The following VWA3A variants were observed in gnomAD, a reference collection of about 807,000 sequenced individuals.
VWA3A encodes von Willebrand factor A domain containing 3A.
A neutral mutation model predicts 160.4 loss-of-function variants in VWA3A; 134 were observed. That is an observed-to-expected ratio of 0.84 (90% CI 0.73 to 0.96). VWA3A has a LOEUF of 0.96. Ranked by LOEUF, VWA3A falls within the 40% of genes least tolerant of loss-of-function variation. The probability of loss-of-function intolerance (pLI) is 0.00; values close to 1 mark genes in which losing one functional copy is unlikely to be tolerated. For synonymous variants in VWA3A, 476 were observed against 543.4 expected (o/e 0.88, Z 1.72); for missense variants, 1,310 against 1,447.9 (o/e 0.90, Z 1.55).
chr16:22,147,682 G>T (rs2046277996), intron 27 of VWA3A: 1 of 702,244 alleles, frequency 1.4e-6, no homozygotes, highest in Admixed American at 2.0e-5. Context: ...GGACAGAGAA[G>T]GCGTGAGCCT....
intron 20 of VWA3A, 119 bp downstream of exon 20, chr16:22,133,214 A>C: frequency 8.5e-7 from 1 of 1,172,608 alleles, no homozygotes. Context: ...CACATTTTAA[A>C]ATGTAAAACT....
At position 22,150,713 on chromosome 16, in the gene VWA3A, G is replaced by T; in HGVS notation, c.3148G>T (p.Asp1050Tyr). 1 of 1,609,812 alleles carries T rather than the reference G, an allele frequency of 6.2e-7. No homozygotes were observed. The highest frequency in any genetic ancestry group is 2.2e-5 in the East Asian group (1 of 44,798). Reference sequence around the variant, plus strand: ...CTTTCAGAAAGCTTTCAGTTTCCATGATCTGGAAGGATTGTACCTCCTGAC... The same window carrying T: ...CTTTCAGAAAGCTTTCAGTTTCCATTATCTGGAAGGATTGTACCTCCTGAC... ...QALLKAFSFH[D>Y]LEGLYLLTDG... The change falls in exon 30 of 34, where the codon GAT becomes TAT. Residue 1050 changes from aspartate to tyrosine, a missense_variant. Transcript: ENST00000389398.
intron 19 of VWA3A, among the ~76,000 whole-genome samples, 181 bp downstream of exon 19, chr16:22,131,910 A>G (rs1175307502): frequency 2.6e-5 from 4 of 152,192 alleles, no homozygotes; most frequent in African/African-American, 4.8e-5. Context: ...CAGCCTGGGC[A>G]ATATAGTGAG....
At position 22,103,402 on chromosome 16, in the gene VWA3A, T is replaced by C. The variant is rs915802542; in HGVS notation, c.429-73T>C. ...AAAAACAATTATTCATACCTGCCTT[T>C]TGTGTATGTAAGTGGCTGTTGCTCA... On this transcript the variant is annotated intron_variant, in intron 5 of 33. Transcript: ENST00000389398. The C allele has an allele frequency of 1.8e-5, 25 of 1,365,004 alleles. No individual in the cohort carries two copies. The Admixed American group carries it at 5.2e-4, about 28-fold the overall frequency. 84.6% of individuals were successfully genotyped at this position (1,365,004 alleles called of 1,614,324 possible). A position where few individuals can be genotyped will look rare whatever the true frequency, so the allele number is the denominator to read the frequency against.
At chr16:22,092,925 C>A (rs866252283) in intron 1 of VWA3A, among the ~76,000 whole-genome samples, 41 of 152,126 alleles carry the variant, frequency 2.7e-4, no homozygotes, top group Non-Finnish European at 2.9e-4. Context: ...TCCCTGGGGA[C>A]AGCAAATGGG....
At chr16:22,136,904 C>A (rs905954943) in intron 21 of VWA3A, among the ~76,000 whole-genome samples, 1 of 151,074 alleles carries the variant, frequency 6.6e-6, no homozygotes, top group African/African-American at 2.4e-5. Flanking sequence ...CGCACACACA[C>A]ACACACACAC....
chr16:22,095,760 CT>C (rs979154440), intron 1 of VWA3A, among the ~76,000 whole-genome samples: 17 of 151,974 alleles, frequency 1.1e-4, no homozygotes, highest in Admixed American at 2.6e-4. Flanking sequence ...TGGGGTCTCG[CT>C]GGTTTGCCAA....
At chr16:22,145,614 C>G (rs1289543573) in intron 26 of VWA3A, among the ~76,000 whole-genome samples, 1 of 150,176 alleles carries the variant, frequency 6.7e-6, no homozygotes, top group Non-Finnish European at 1.5e-5. Context: ...ACTACACAGC[C>G]TGGGCAACCG....
rs754108280 is a variant in VWA3A at position 22,141,676 on chromosome 16, GAA to G, written c.2480_2481del (p.Lys827ArgfsTer3). On this transcript the variant is annotated frameshift_variant, in exon 24 of 34. Transcript: ENST00000389398. LOFTEE classifies it high-confidence loss of function. The part of the protein sequence containing the change: ...ETSLLLFYTE[K>X]GNDVGSVYKK... ...CATCTCTTTTACTGTTCTACACAGA[GAA>G]AGGGAATGACGTGGGTAAGTTAGAG... 1.9e-6 allele frequency: 3 copies of G among 1,609,822 alleles called. No homozygotes were observed. The East Asian group carries it at 6.7e-5, about 36-fold the overall frequency.
chr16:22,131,156 C>T, intron 17 of VWA3A, 49 bp from the exon 18 acceptor site: 1 of 1,580,132 alleles, frequency 6.3e-7, no homozygotes. Flanking sequence ...GGTGGGCCAC[C>T]AAGTGGACCT....
intron 22 of VWA3A, among the ~76,000 whole-genome samples, chr16:22,139,321 C>T (rs538167332): frequency 6.6e-6 from 1 of 152,222 alleles, no homozygotes; most frequent in African/African-American, 2.4e-5. Flanking sequence ...GAAACCAGGC[C>T]GGGTGCTCCC....
intron 29 of VWA3A, 75 bp from the exon 30 acceptor site, chr16:22,150,620 A>C: frequency 6.7e-7 from 1 of 1,499,334 alleles, no homozygotes; most frequent in South Asian, 1.3e-5. Context: ...AGCAGGCACT[A>C]CCTTTAGGCA....
chr16:22,141,147 T>C (rs2046140967), intron 23 of VWA3A: 1 of 457,004 alleles, frequency 2.2e-6, no homozygotes, highest in Admixed American at 2.4e-5. Context: ...ACAATCTTAA[T>C]GAAAGTACTC....
At chr16:22,141,724 GC>G in intron 24 of VWA3A, 32 bp downstream of exon 24, 4 of 1,562,924 alleles carry the variant, frequency 2.6e-6, no homozygotes, top group Admixed American at 1.9e-5. Flanking sequence ...TGTCTGGACA[GC>G]CCCCTGGCCC....
Position 22,123,075 on chromosome 16 carries a change from C to T in VWA3A, c.1357-10C>T, listed in dbSNP as rs756407622. 2 of 1,593,018 alleles carry T rather than the reference C, an allele frequency of 1.3e-6. No homozygotes were observed. Among genetic ancestry groups the T allele is most frequent in the East Asian group, 2.3e-5 (1 of 44,280 alleles). ...CGCCTGCTCACCCTCCTGCCCATGC[C>T]TGAGTATAGAAGGCAATGATACAAT... On this transcript the variant is annotated splice_polypyrimidine_tract_variant and intron_variant, in intron 14 of 33. Transcript: ENST00000389398.
chr16:22,130,080 CA>C (rs1475120313), intron 17 of VWA3A, among the ~76,000 whole-genome samples: 5 of 152,084 alleles, frequency 3.3e-5, no homozygotes, highest in African/African-American at 1.2e-4. Context: ...CCCAGCTACT[CA>C]GGTGGCTGAG....
chr16:22,150,790 A>C lies in VWA3A; in HGVS notation c.3225A>C (p.Lys1075Asn). The C allele has an allele frequency of 2.5e-6, 4 of 1,613,352 alleles. No individual in the cohort carries two copies. The South Asian group carries it at 3.3e-5, about 13-fold the overall frequency. Residue 1075 changes from lysine (K) to asparagine (N), a missense_variant, in exon 30 of 34, where the codon AAA becomes AAC. Physicochemically the swap from Lys to Asn is moderately conservative, Grantham distance 94. Transcript: ENST00000389398. ...SCSLVLNEVQ[K>N]LREKRDVKVH... ...GCCTTGTCCTAAATGAAGTCCAAAA[A>C]CTCAGGGAGAAAAGAGATGTGAAAG... is the stretch of plus-strand genomic sequence containing the variant.
intron 2 of VWA3A, among the ~76,000 whole-genome samples, 193 bp from the exon 3 acceptor site, chr16:22,097,379 A>C (rs988023454): frequency 2.6e-5 from 4 of 152,140 alleles, no homozygotes; most frequent in Non-Finnish European, 5.9e-5. Context: ...GGCTTTAGTT[A>C]TCTAAATAAT....
chr16:22,118,407 T>A (rs753528125), intron 11 of VWA3A, among the ~76,000 whole-genome samples: 13 of 152,108 alleles, frequency 8.5e-5, no homozygotes, highest in African/African-American at 1.2e-4. Context: ...CAGGTCAGGA[T>A]GGGTGCAGTG....
Sources: gnomAD v4.1 joint callset for allele counts (sites outside exome capture counted in the v4.1 genomes callset) on GRCh38, gnomAD v4.1.1 for gene constraint, MANE v1.5 for transcripts, NCBI Gene and HGNC (gene_info 2026-07-23, HGNC 2026-07-21) for gene names.